The following CNTN4 variants were observed in gnomAD, a reference collection of about 807,000 sequenced individuals.
CNTN4 encodes contactin 4.
A neutral mutation model predicts 122.5 loss-of-function variants in CNTN4; 77 were observed. The ratio of observed to expected loss-of-function variants is 0.63; its 90% confidence interval spans 0.52 to 0.76. The LOEUF is 0.76. CNTN4 is among the 30% of genes least tolerant of loss of function. The probability of loss-of-function intolerance (pLI) is 0.00; values close to 1 mark genes in which losing one functional copy is unlikely to be tolerated. For synonymous variants in CNTN4, 512 were observed against 447.0 expected (o/e 1.15, Z -1.83); for missense variants, 1,256 against 1,259.1 (o/e 1.00, Z 0.04).
At chr3:2,845,295 T>G (rs1312768731) in intron 7 of CNTN4, among the ~76,000 whole-genome samples, 1 of 152,126 alleles carries the variant, frequency 6.6e-6, no homozygotes, top group Non-Finnish European at 1.5e-5. Flanking sequence ...TGTCAATGCA[T>G]GATGAACGTA....
At chr3:2,488,327 A>G (rs1235353140) in intron 3 of CNTN4, among the ~76,000 whole-genome samples, 3 of 152,186 alleles carry the variant, frequency 2.0e-5, no homozygotes, top group African/African-American at 7.2e-5. Context: ...CATTGTCTGT[A>G]TGGAGTTCAC....
intron 13 of CNTN4, among the ~76,000 whole-genome samples, chr3:2,966,085 A>G (rs1692279421): frequency 6.6e-6 from 1 of 152,180 alleles, no homozygotes; most frequent in African/African-American, 2.4e-5. Flanking sequence ...AGACACTACC[A>G]TAGGTAGTGA....
chr3:2,452,764 G>C (rs1348894565), intron 3 of CNTN4, among the ~76,000 whole-genome samples: 1 of 151,952 alleles, frequency 6.6e-6, no homozygotes, highest in Non-Finnish European at 1.5e-5. Flanking sequence ...TTATTACTCA[G>C]CTTATTTCCT....
chr3:2,712,441 G>A (rs1030389541), intron 4 of CNTN4, among the ~76,000 whole-genome samples: 1 of 152,160 alleles, frequency 6.6e-6, no homozygotes, highest in Non-Finnish European at 1.5e-5. Context: ...CTCACCCATT[G>A]CAGGGTTCAT....
intron 3 of CNTN4, among the ~76,000 whole-genome samples, chr3:2,455,018 T>C (rs2048946429): frequency 6.6e-6 from 1 of 151,918 alleles, no homozygotes; most frequent in East Asian, 1.9e-4. Context: ...ATACCAGGCA[T>C]ACTTCATCTG....
At chr3:2,779,818 A>G (rs956945125) in intron 6 of CNTN4, among the ~76,000 whole-genome samples, 3 of 152,302 alleles carry the variant, frequency 2.0e-5, no homozygotes, top group South Asian at 4.1e-4. Context: ...AATGAGGGGG[A>G]AAATTCTTAG....
chr3:2,228,231 CTCT>C (rs530352042), intron 2 of CNTN4, among the ~76,000 whole-genome samples: 93 of 144,794 alleles, frequency 6.4e-4, no homozygotes, highest in African/African-American at 2.2e-3. Context: ...AGATTTGTTT[CTCT>C]TCTTCTTTTT....
intron 4 of CNTN4, among the ~76,000 whole-genome samples, chr3:2,726,648 T>C (rs1166622527): frequency 1.3e-5 from 2 of 152,362 alleles, no homozygotes; most frequent in South Asian, 2.1e-4. Flanking sequence ...GCTTTTATTC[T>C]CATGAGTAAA....
intron 4 of CNTN4, among the ~76,000 whole-genome samples, chr3:2,670,733 G>A (rs536938618): frequency 0.012 from 1,776 of 152,230 alleles, 25 homozygotes; most frequent in African/African-American, 0.04. Flanking sequence ...GGCTGGTACC[G>A]GTTGTTCCTT....
rs182391617 is a variant in CNTN4, at chr3:2,832,218, G to A, written c.454+12637G>A. On this transcript the variant is annotated intron_variant, in intron 7 of 24. Coordinates refer to ENST00000418658, the MANE Select transcript of CNTN4 (RefSeq NM_175607.3). Reference sequence around the variant, plus strand: ...GGATTATGTAAATTAGGATTTCAAGGTTAAAGGAATAGATTTCTTTTAAAA... The same window carrying A: ...GGATTATGTAAATTAGGATTTCAAGATTAAAGGAATAGATTTCTTTTAAAA... 9.8e-5 allele frequency among the ~76,000 whole-genome samples: 15 copies of A among 152,296 alleles called. No individual in the cohort carries two copies. The South Asian group carries it at 2.9e-3, about 29-fold the overall frequency.
At chr3:2,971,312 A>G (rs907686850) in intron 13 of CNTN4, among the ~76,000 whole-genome samples, 11 of 150,242 alleles carry the variant, frequency 7.3e-5, no homozygotes, top group African/African-American at 2.8e-4. Context: ...GGTCAACTGT[A>G]TATCTATCTA....
intron 3 of CNTN4, among the ~76,000 whole-genome samples, chr3:2,474,857 CATAGT>C (rs1197343033): frequency 6.6e-6 from 1 of 152,132 alleles, no homozygotes; most frequent in Non-Finnish European, 1.5e-5. Flanking sequence ...AGGTATCCAA[CATAGT>C]ATAATTATTT....
chr3:2,182,830 G>GT lies in CNTN4; in HGVS notation c.-145+82204dup, dbSNP rs749749344. On this transcript the variant is annotated intron_variant, in intron 2 of 24. Coordinates refer to ENST00000418658, the MANE Select transcript of CNTN4 (RefSeq NM_175607.3). ...AGATAAAGCCACCAACTCAGCACAG[G>GT]TTTTTTTTTTTTTCTCCTGAATGGT... 8.2e-3 allele frequency among the ~76,000 whole-genome samples: 1,188 copies of GT among 144,188 alleles called. 6 individuals carry two copies. The highest frequency in any genetic ancestry group is 0.011 in the Non-Finnish European group (726 of 65,390). 94.6% of individuals were successfully genotyped at this position (144,188 alleles called of 152,430 possible). A position where few individuals can be genotyped will look rare whatever the true frequency, so the allele number is the denominator to read the frequency against.
At chr3:2,223,136 G>A (rs1335672281) in intron 2 of CNTN4, among the ~76,000 whole-genome samples, 1 of 152,140 alleles carries the variant, frequency 6.6e-6, no homozygotes, top group African/African-American at 2.4e-5. Flanking sequence ...AATATTGAGA[G>A]TTAATAGCTT....
intron 3 of CNTN4, among the ~76,000 whole-genome samples, chr3:2,402,878 T>G (rs1345160528): frequency 6.6e-6 from 1 of 152,174 alleles, no homozygotes; most frequent in East Asian, 1.9e-4. Context: ...TTGCTGTGAT[T>G]GCAATAGTTC....
At chr3:2,956,461 C>A (rs2094800264) in intron 13 of CNTN4, among the ~76,000 whole-genome samples, 1 of 151,564 alleles carries the variant, frequency 6.6e-6, no homozygotes. Flanking sequence ...TATATTTTAC[C>A]ACAGTAAAAA....
At chr3:3,040,586 C>A (rs562201180) in intron 20 of CNTN4, among the ~76,000 whole-genome samples, 1 of 152,136 alleles carries the variant, frequency 6.6e-6, no homozygotes, top group Non-Finnish European at 1.5e-5. Flanking sequence ...TTATTTTTGC[C>A]TTTAAGTGAA....
intron 7 of CNTN4, among the ~76,000 whole-genome samples, chr3:2,833,825 A>G (rs570450375): frequency 1.2e-4 from 19 of 152,322 alleles, no homozygotes; most frequent in Middle Eastern, 3.4e-3. Flanking sequence ...ATGTTTGTGT[A>G]TGACACATAA....
rs1391779877 is a variant in CNTN4, at chr3:2,385,318, T to G, written c.-89+46085T>G. Among the ~76,000 whole-genome samples, 1 of 152,130 alleles carries G rather than the reference T, an allele frequency of 6.6e-6. No individual in the cohort carries two copies. Among genetic ancestry groups the G allele is most frequent in the Non-Finnish European group, 1.5e-5 (1 of 68,034 alleles). ...TAAAACTCTCCCAACAAACAATACC[T>G]GTTTATAGTTTTGTTTATATTACTC... On this transcript the variant is annotated intron_variant, in intron 3 of 24. Coordinates refer to ENST00000418658, the MANE Select transcript of CNTN4 (RefSeq NM_175607.3). This position sits in a 1 kb window ranked among gnomAD's most constrained non-coding sequence, Gnocchi z 4.0.
Sources: gnomAD v4.1 joint callset for allele counts (sites outside exome capture counted in the v4.1 genomes callset) on GRCh38, gnomAD v4.1.1 for gene constraint, Gnocchi (gnomAD v3.1) non-coding constraint, MANE v1.5 for transcripts, NCBI Gene and HGNC (gene_info 2026-07-23, HGNC 2026-07-21) for gene names.